Variants in PSMG2 observed in about 807,000 individuals in gnomAD.
PSMG2 encodes proteasome assembly chaperone 2.
PSMG2 carries 21 observed loss-of-function variants against 31.5 expected under a neutral mutation model. The ratio of observed to expected loss-of-function variants is 0.67; its 90% confidence interval spans 0.47 to 0.96. PSMG2 has a LOEUF of 0.96. PSMG2 is among the 40% of genes least tolerant of loss of function. The pLI is 0.00. For missense variants in PSMG2, 318 were observed against 321.2 expected, an observed-to-expected ratio of 0.99 and a Z score of 0.08; for synonymous variants, 120 against 110.4, an observed-to-expected ratio of 1.09 and a Z score of -0.54.
At chr18:12,711,750 C>CTTTTTTTTTTTTTTTTTTTTTTTTTTT (rs34631690) in intron 2 of PSMG2, among the ~76,000 whole-genome samples, 1 of 97,572 alleles carries the variant, frequency 1.0e-5, no homozygotes, top group African/African-American at 4.0e-5. Context: ...GCTTCTCATT[C>CTTTTTTTTTTTTTTTTTTTTTTTTTTT]TTTTTTTTTT....
intron 1 of PSMG2, among the ~76,000 whole-genome samples, chr18:12,692,830 ATTTCT>A (rs1045745252): frequency 1.4e-4 from 21 of 152,074 alleles, no homozygotes; most frequent in African/African-American, 4.8e-4. Context: ...TCTGACTTTA[ATTTCT>A]TTTAAGAGAC....
At chr18:12,721,430 G>A (rs2040429728) in intron 5 of PSMG2, among the ~76,000 whole-genome samples, 2 of 151,860 alleles carry the variant, frequency 1.3e-5, no homozygotes, top group South Asian at 4.1e-4. Flanking sequence ...CTATATTTAA[G>A]CGTACAATCA....
chr18:12,687,312 T>C (rs1035972304), intron 1 of PSMG2, among the ~76,000 whole-genome samples: 8 of 152,104 alleles, frequency 5.3e-5, no homozygotes, highest in Non-Finnish European at 8.8e-5. Flanking sequence ...TTTTCCAATA[T>C]AGTCCCATAC....
intron 2 of PSMG2, among the ~76,000 whole-genome samples, chr18:12,711,259 G>A (rs1363552670): frequency 1.3e-5 from 2 of 152,046 alleles, no homozygotes; most frequent in African/African-American, 2.4e-5. Context: ...GTGACAGAGC[G>A]AGACTCTGTC....
At chr18:12,713,767 CT>C (rs1165889750) in intron 3 of PSMG2, among the ~76,000 whole-genome samples, 1,540 of 145,282 alleles carry the variant, frequency 0.011, 15 homozygotes, top group African/African-American at 0.031. Context: ...TAATTTCTTT[CT>C]TTTTTTTTTT....
chr18:12,715,876 T>G (rs992531599), intron 3 of PSMG2, among the ~76,000 whole-genome samples: 1 of 152,204 alleles, frequency 6.6e-6, no homozygotes, highest in Non-Finnish European at 1.5e-5. Flanking sequence ...TACAGCTTGG[T>G]GAATTTTCAT....
In PSMG2 at chr18:12,678,176, A is replaced by G. The variant is rs1266200543; in HGVS notation, c.-37+19403A>G. 7 of 1,614,076 alleles carry G rather than the reference A, an allele frequency of 4.3e-6. No individual in the cohort carries two copies. The highest frequency in any genetic ancestry group is 2.2e-5 in the East Asian group (1 of 44,898). ...TTCATTACTTGTTACTGACGCGTCAATTGTGGATGCACACAGAGGTGGAAA... is the reference window on the plus strand; with the variant it reads ...TTCATTACTTGTTACTGACGCGTCAGTTGTGGATGCACACAGAGGTGGAAA... On this transcript the variant is annotated intron_variant, in intron 1 of 6. Coordinates refer to the PSMG2 transcript ENST00000585331.
chr18:12,718,466 T>G, intron 3 of PSMG2, 51 bp from the exon 4 acceptor site: 1 of 1,169,148 alleles, frequency 8.6e-7, no homozygotes. Flanking sequence ...GTTTGTATGC[T>G]CTAAGACTAA....
chr18:12,686,243 T>C, intron 1 of PSMG2: 1 of 1,587,376 alleles, frequency 6.3e-7, no homozygotes, highest in Non-Finnish European at 8.6e-7. Flanking sequence ...TACTTAATTC[T>C]ATTATGTGTG....
At chr18:12,698,709 T>C, upstream of PSMG2, 1 of 378,502 alleles carries the variant, frequency 2.6e-6, no homozygotes, top group Non-Finnish European at 4.7e-6. Context: ...CTGCCTAGCA[T>C]AACACTATGC....
intron 1 of PSMG2, chr18:12,679,071 C>T (rs1008973677): frequency 6.6e-6 from 1 of 152,004 alleles, no homozygotes; most frequent in African/African-American, 2.4e-5. Flanking sequence ...AAAGAGGACT[C>T]GGGAATGAAA....
At chr18:12,692,552 T>C (rs1446109253) in intron 1 of PSMG2, among the ~76,000 whole-genome samples, 1 of 151,518 alleles carries the variant, frequency 6.6e-6, no homozygotes, top group Non-Finnish European at 1.5e-5. Flanking sequence ...TTACTTCCTG[T>C]TGTTCAGACT....
intron 1 of PSMG2, among the ~76,000 whole-genome samples, chr18:12,663,153 A>G (rs1105748): frequency 0.072 from 10,947 of 152,308 alleles, 557 homozygotes; most frequent in Non-Finnish European, 0.1. Context: ...TACATTTCCT[A>G]TAACACAAAC....
intron 1 of PSMG2, chr18:12,691,438 A>G: frequency 6.2e-7 from 1 of 1,609,348 alleles, no homozygotes. Flanking sequence ...CTTAGCATAT[A>G]CAAGAAATAA....
intron 1 of PSMG2, chr18:12,685,561 T>C (rs763178833): frequency 6.6e-6 from 1 of 152,122 alleles, no homozygotes; most frequent in Non-Finnish European, 1.5e-5. Context: ...GTCAAGCTGA[T>C]AGCACCCCAA....
chr18:12,678,039 C>A, intron 1 of PSMG2: 2 of 1,258,712 alleles, frequency 1.6e-6, no homozygotes, highest in South Asian at 1.4e-5. Flanking sequence ...CACTATCACA[C>A]ACACCAAAAA....
chr18:12,716,624 G>A (rs1231090522), intron 3 of PSMG2, among the ~76,000 whole-genome samples: 1 of 152,004 alleles, frequency 6.6e-6, no homozygotes, highest in Non-Finnish European at 1.5e-5. Flanking sequence ...TCGATCTCCT[G>A]ACCTTGTGAT....
At chr18:12,664,756 T>A (rs996030018) in intron 1 of PSMG2, among the ~76,000 whole-genome samples, 4 of 150,206 alleles carry the variant, frequency 2.7e-5, no homozygotes, top group Non-Finnish European at 5.9e-5. Context: ...TGGAGTGCAG[T>A]GGTACAATCT....
upstream of PSMG2, chr18:12,700,807 A>C (rs2040124977): frequency 8.6e-6 from 5 of 579,442 alleles, no homozygotes; most frequent in South Asian, 1.2e-4. Context: ...GGGCAGAGCT[A>C]GCCTATACTT....
Sources: allele counts gnomAD v4.1 joint callset (sites outside exome capture counted in the v4.1 genomes callset), GRCh38; gene constraint gnomAD v4.1.1; transcripts MANE v1.5; gene names NCBI Gene and HGNC (gene_info 2026-07-23, HGNC 2026-07-21).